Variants in MYOM1 observed in about 807,000 individuals in gnomAD.
MYOM1 encodes myomesin-1.
Under a neutral mutation model 205.3 loss-of-function variants are expected in MYOM1, and 164 were observed. The ratio of observed to expected loss-of-function variants is 0.80; its 90% confidence interval spans 0.70 to 0.91. The LOEUF (loss-of-function observed/expected upper bound fraction) is 0.91, where lower values mean the gene tolerates loss of function less well. Ranked by LOEUF, MYOM1 falls within the 40% of genes least tolerant of loss-of-function variation. MYOM1 has a pLI of 0.00. For missense variants in MYOM1, 2,011 were observed against 2,127.3 expected (o/e 0.95, Z 1.08); for synonymous variants, 772 against 789.4 (o/e 0.98, Z 0.37).
At chr18:3,203,261 C>T (rs1283910204) in intron 2 of MYOM1, among the ~76,000 whole-genome samples, 1 of 149,312 alleles carries the variant, frequency 6.7e-6, no homozygotes, top group Non-Finnish European at 1.5e-5. Context: ...AAACACAAAA[C>T]AAGCAGAAGG....
chr18:3,110,516 C>T (rs2079510451), intron 22 of MYOM1, among the ~76,000 whole-genome samples: 1 of 152,190 alleles, frequency 6.6e-6, no homozygotes, highest in Non-Finnish European at 1.5e-5. Flanking sequence ...ACATGCTAGT[C>T]ATTCATTATT....
At position 3,134,711 on chromosome 18, in the gene MYOM1, C is replaced by T; in HGVS notation, c.2323G>A (p.Ala775Thr). ...AKELVGYYIE[A>T]SVAGSGKWEP... ...CACTTGCCAGAGCCAGCAACGCTCGCCTCTATGTAGTACCCGACCAGCTCT... is the reference window on the plus strand; with the variant it reads ...CACTTGCCAGAGCCAGCAACGCTCGTCTCTATGTAGTACCCGACCAGCTCT... The change falls in exon 16 of 38, where the codon GCG becomes ACG. Residue 775 changes from alanine (A) to threonine (T), a missense_variant. Physicochemically the swap from Ala to Thr is moderately conservative, Grantham distance 58. Transcript: ENST00000356443. 3 of 1,613,970 alleles carry T rather than the reference C, an allele frequency of 1.9e-6. 1 individual carries two copies. The highest frequency in any genetic ancestry group is 2.2e-5 in the South Asian group (2 of 91,082).
At chr18:3,244,187 T>G in the MYOM1 span, among the ~76,000 whole-genome samples, 1 of 152,136 alleles carries the variant, frequency 6.6e-6, no homozygotes, top group Non-Finnish European at 1.5e-5. Context: ...AAAGCAAAAC[T>G]GTCTCTCCAG....
chr18:3,085,054 C>A lies in MYOM1; in HGVS notation c.4330G>T (p.Val1444Leu), dbSNP rs1309952459. ...RGKDKSRLKL[V>L]DEAFKELMME... Reference sequence around the variant, plus strand: ...CAGTTGGTGGACTGACCTTCATCCACAAGCTTCAGTCTGCTCTTATCTTTT... The same window carrying A: ...CAGTTGGTGGACTGACCTTCATCCAAAAGCTTCAGTCTGCTCTTATCTTTT... The change falls in exon 31 of 38, where the codon GTG (valine) becomes TTG (leucine). Residue 1444 changes from valine (V) to leucine (L), a missense_variant. By Grantham distance (32) the Val-to-Leu change is conservative. Transcript: ENST00000356443. The A allele has an allele frequency of 6.2e-7, 1 of 1,604,692 alleles. No homozygotes were observed. The highest frequency in any genetic ancestry group is 1.7e-5 in the Admixed American group (1 of 58,754).
At chr18:3,182,564 A>C (rs1414981561) in intron 5 of MYOM1, among the ~76,000 whole-genome samples, 1 of 152,224 alleles carries the variant, frequency 6.6e-6, no homozygotes, top group Non-Finnish European at 1.5e-5. Flanking sequence ...AACCAGAAAG[A>C]ACTAAGGGTG....
intron 3 of MYOM1, chr18:3,190,427 T>C (rs1276542086): frequency 6.6e-6 from 1 of 152,202 alleles, no homozygotes; most frequent in Non-Finnish European, 1.5e-5. Context: ...GGAATGAGAT[T>C]CCACATTTGC....
intron 29 of MYOM1, among the ~76,000 whole-genome samples, chr18:3,088,090 T>G (rs867444871): frequency 6.6e-6 from 1 of 152,198 alleles, no homozygotes; most frequent in Non-Finnish European, 1.5e-5. Context: ...TGTGTGAATA[T>G]TCACAATCCA....
At chr18:3,166,267 T>TA (rs2080468231) in intron 9 of MYOM1, among the ~76,000 whole-genome samples, 1 of 114,572 alleles carries the variant, frequency 8.7e-6, no homozygotes, top group Non-Finnish European at 1.7e-5. Flanking sequence ...TCAAGTCTTT[T>TA]TTTTTTTTTT....
chr18:3,085,172 C>A (rs1176716127), intron 30 of MYOM1, 40 bp from the exon 31 acceptor site: 1 of 1,386,882 alleles, frequency 7.2e-7, no homozygotes, highest in Admixed American at 2.1e-5. Context: ...CCTTTCGTAG[C>A]CCCAGGGCAC....
chr18:3,177,713 T>C (rs1371253304), intron 5 of MYOM1, among the ~76,000 whole-genome samples: 1 of 152,174 alleles, frequency 6.6e-6, no homozygotes, highest in Non-Finnish European at 1.5e-5. Flanking sequence ...CCTCAGGTCA[T>C]CCACCTGCCT....
At chr18:3,083,956 A>G (rs368568129) in intron 32 of MYOM1, 33 bp downstream of exon 32, 27 of 1,584,750 alleles carry the variant, frequency 1.7e-5, no homozygotes, top group Non-Finnish European at 2.1e-5. Flanking sequence ...GAGGATCATA[A>G]AGCATTGTTG....
chr18:3,109,701 C>T (rs2079498665), intron 22 of MYOM1, among the ~76,000 whole-genome samples: 1 of 152,226 alleles, frequency 6.6e-6, no homozygotes, highest in African/African-American at 2.4e-5. Flanking sequence ...CACTAGTCAA[C>T]TCCTCAACCT....
chr18:3,229,825 C>A, the MYOM1 span, among the ~76,000 whole-genome samples: 1 of 151,772 alleles, frequency 6.6e-6, no homozygotes, highest in Non-Finnish European at 1.5e-5. Flanking sequence ...CAAAATTAGC[C>A]AGGCGTGGTG....
chr18:3,151,819 C>A lies in MYOM1; in HGVS notation c.1718G>T (p.Gly573Val). Residue 573 changes from glycine to valine, a missense_variant, in exon 12 of 38, where the codon GGA (glycine) becomes GTA (valine). Gly to Val is a moderately radical substitution (Grantham distance 109). Transcript: ENST00000356443. ...GATATAGGAACGACCTTCGATCAAT[C>A]CAGTGACAGGAAAACGAGCAAACTT... The part of the protein sequence containing the change: ...PVKFARFPVT[G>V]LIEGRSYIFR... The A allele has an allele frequency of 6.2e-7, 1 of 1,613,838 alleles. No individual in the cohort carries two copies. The highest frequency in any genetic ancestry group is 2.2e-5 in the East Asian group (1 of 44,882).
intron 22 of MYOM1, among the ~76,000 whole-genome samples, chr18:3,105,757 A>G (rs952178736): frequency 6.6e-6 from 1 of 152,320 alleles, no homozygotes; most frequent in Admixed American, 6.5e-5. Context: ...TGAGAGGCTG[A>G]GGCACAAGAA....
intron 5 of MYOM1, among the ~76,000 whole-genome samples, chr18:3,176,534 T>C (rs186293465): frequency 3.7e-4 from 56 of 152,292 alleles, no homozygotes; most frequent in African/African-American, 1.3e-3. Context: ...GAAGGAGGCT[T>C]CTTGGGTGTC....
At chr18:3,132,531 G>A (rs1256353346) in intron 16 of MYOM1, among the ~76,000 whole-genome samples, 1 of 152,092 alleles carries the variant, frequency 6.6e-6, no homozygotes, top group African/African-American at 2.4e-5. Context: ...TCGTGTCACA[G>A]GGGTTTGTTG....
the MYOM1 span, among the ~76,000 whole-genome samples, chr18:3,225,306 T>C: frequency 6.6e-6 from 1 of 152,340 alleles, no homozygotes; most frequent in South Asian, 2.1e-4. Context: ...TTTTTATTCT[T>C]CATTAGTCGC....
At chr18:3,130,863 T>C (rs2079865208) in intron 17 of MYOM1, among the ~76,000 whole-genome samples, 1 of 152,212 alleles carries the variant, frequency 6.6e-6, no homozygotes, top group African/African-American at 2.4e-5. Flanking sequence ...TTACTGGTTT[T>C]ATTCTGTTGG....
Sources: gnomAD v4.1 joint callset for allele counts (sites outside exome capture counted in the v4.1 genomes callset) on GRCh38, gnomAD v4.1.1 for gene constraint, MANE v1.5 for transcripts, NCBI Gene and HGNC (gene_info 2026-07-23, HGNC 2026-07-21) for gene names.